Variants in MYOCD observed in about 807,000 individuals in gnomAD.
The protein encoded by MYOCD is myocardin.
A neutral mutation model predicts 96.1 loss-of-function variants in MYOCD; 32 were observed. That is an observed-to-expected ratio of 0.33 (90% CI 0.25 to 0.45). The LOEUF is 0.45. Ranked by LOEUF, MYOCD falls within the 20% of genes least tolerant of loss-of-function variation. The pLI, the probability that MYOCD is intolerant of heterozygous loss-of-function variation, is 1.00. For missense variants in MYOCD, 1,133 were observed against 1,200.6 expected (o/e 0.94, Z 0.83); for synonymous variants, 469 against 469.0 (o/e 1.00, Z 0.00).
chr17:12,732,205 A>G (rs1043945931), intron 5 of MYOCD, among the ~76,000 whole-genome samples: 2 of 152,138 alleles, frequency 1.3e-5, no homozygotes, highest in African/African-American at 4.8e-5. Flanking sequence ...TGACTTAAGC[A>G]AGGGAGACTC....
rs2033342525 is a variant in MYOCD at position 12,766,431 on chromosome 17, G to A, written c.*2787G>A. ...AACACAGTTAAAAGAGCAGATCTCT[G>A]GATAACTGCTCTCAACCTGCTTCTA... On this transcript the variant is annotated 3_prime_UTR_variant, in exon 14 of 14. Coordinates refer to ENST00000425538, the MANE Select transcript of MYOCD (RefSeq NM_001146312.3). The A allele has an allele frequency of 6.6e-6, 1 of 152,106 alleles. No homozygotes were observed. Among genetic ancestry groups the A allele is most frequent in the African/African-American group, 2.4e-5 (1 of 41,420 alleles). The allele number at this position is 152,106 out of a possible 1,614,324, so 9.4% of individuals were successfully genotyped here. A position where few individuals can be genotyped will look rare whatever the true frequency, so the allele number is the denominator to read the frequency against.
At chr17:12,727,851 CCTCTT>C (rs1215535802) in intron 5 of MYOCD, among the ~76,000 whole-genome samples, 1 of 152,144 alleles carries the variant, frequency 6.6e-6, no homozygotes, top group Non-Finnish European at 1.5e-5. Context: ...CTTCCCCTCT[CCTCTT>C]GAGTACCAGT....
chr17:12,704,739 G>C lies in MYOCD; in HGVS notation c.56-389G>C, dbSNP rs1274022561. Among the ~76,000 whole-genome samples the C allele has an allele frequency of 3.3e-5, 5 of 152,164 alleles. No homozygotes were observed. The East Asian group carries it at 7.7e-4, about 23-fold the overall frequency. On this transcript the variant is annotated intron_variant, in intron 1 of 13. Coordinates refer to ENST00000425538, the MANE Select transcript of MYOCD (RefSeq NM_001146312.3). ...TGCTTAGGGATACACAGCTATTAAG[G>C]GGGTAGAGATGAGATGTGAACCTAG...
chr17:12,725,320 T>C (rs1475272867), intron 5 of MYOCD, among the ~76,000 whole-genome samples: 1 of 150,566 alleles, frequency 6.6e-6, no homozygotes, highest in Non-Finnish European at 1.5e-5. Flanking sequence ...TTTCTAAAAA[T>C]CTATGTAGTA....
rs748480394 is a variant in MYOCD at position 12,744,160 on chromosome 17, C to T, written c.718-23C>T. 8 of 1,610,820 alleles carry T rather than the reference C, an allele frequency of 5.0e-6. No individual in the cohort carries two copies. The East Asian group carries it at 1.6e-4, about 31-fold the overall frequency. On this transcript the variant is annotated intron_variant, in intron 7 of 13. Coordinates refer to ENST00000425538, the MANE Select transcript of MYOCD (RefSeq NM_001146312.3). Reference sequence around the variant, plus strand: ...TCTCAGCCATCACCTAAAGCACATGCAATTTCCTCATCTTCTTTGCAGTCC... The same window carrying T: ...TCTCAGCCATCACCTAAAGCACATGTAATTTCCTCATCTTCTTTGCAGTCC...
At chr17:12,703,270 A>C (rs146150066) in intron 1 of MYOCD, among the ~76,000 whole-genome samples, 1 of 152,004 alleles carries the variant, frequency 6.6e-6, no homozygotes, top group East Asian at 1.9e-4. Flanking sequence ...ACCTGTTTTT[A>C]AGATTTTTCT....
At chr17:12,728,606 A>G (rs1429319444) in intron 5 of MYOCD, among the ~76,000 whole-genome samples, 1 of 152,032 alleles carries the variant, frequency 6.6e-6, no homozygotes, top group Non-Finnish European at 1.5e-5. Context: ...CAGCCTCCCA[A>G]GTAGCTGGAA....
At chr17:12,733,488 G>C (rs865859605) in intron 5 of MYOCD, among the ~76,000 whole-genome samples, 1 of 152,284 alleles carries the variant, frequency 6.6e-6, no homozygotes, top group South Asian at 2.1e-4. Context: ...AGGTGAGTCT[G>C]AGATTCCAAC....
chr17:12,705,460 G>T, intron 2 of MYOCD: 1 of 341,644 alleles, frequency 2.9e-6, no homozygotes, highest in Non-Finnish European at 5.2e-6. Flanking sequence ...ATTCATTATG[G>T]GCACCCCTGA....
chr17:12,722,371 C>T (rs753199898), intron 4 of MYOCD, among the ~76,000 whole-genome samples: 9 of 151,914 alleles, frequency 5.9e-5, no homozygotes, highest in East Asian at 5.8e-4. Context: ...TTTTTTCTTT[C>T]GCAACTGACC....
chr17:12,681,670 T>G (rs1910476608), intron 1 of MYOCD, among the ~76,000 whole-genome samples: 1 of 152,126 alleles, frequency 6.6e-6, no homozygotes, highest in South Asian at 2.1e-4. Flanking sequence ...GGGACATCCC[T>G]TAGGATGAAG....
intron 1 of MYOCD, among the ~76,000 whole-genome samples, chr17:12,675,189 C>T (rs985165288): frequency 1.3e-5 from 2 of 152,126 alleles, no homozygotes; most frequent in Non-Finnish European, 2.9e-5. Flanking sequence ...GATCTAGATA[C>T]TATTTTTTAA....
intron 2 of MYOCD, among the ~76,000 whole-genome samples, chr17:12,706,639 C>T (rs892297548): frequency 2.6e-5 from 4 of 152,022 alleles, no homozygotes; most frequent in Admixed American, 1.3e-4. Flanking sequence ...TGGAGGGATA[C>T]GGGGTTAAAT....
intron 1 of MYOCD, among the ~76,000 whole-genome samples, chr17:12,704,360 T>A (rs192161109): frequency 8.5e-5 from 13 of 152,296 alleles, no homozygotes; most frequent in Admixed American, 8.5e-4. Flanking sequence ...AGTTAATAAT[T>A]CAATATTATT....
At chr17:12,693,421 C>G (rs1325528661) in intron 1 of MYOCD, among the ~76,000 whole-genome samples, 1 of 151,822 alleles carries the variant, frequency 6.6e-6, no homozygotes, top group Non-Finnish European at 1.5e-5. Context: ...ACCAGCCTGG[C>G]CAACATTGTG....
Position 12,739,217 on chromosome 17 carries a change from C to G in MYOCD, c.606C>G (p.Gly202=). 6.2e-7 allele frequency: 1 copy of G among 1,608,018 alleles called. No homozygotes were observed. The highest frequency in any genetic ancestry group is 8.5e-7 in the Non-Finnish European group (1 of 1,177,848). The part of the protein sequence containing the change: ...SLGTNQDLAS[G]SENDRNDSAS... ...TTGGATTTCAGGATCTTGCTTCTGG[C>G]TCAGAAAATGACAGAAATGACTCAG... The change falls in exon 7 of 14, where the codon GGC becomes GGG. Residue 202 remains glycine (G), a synonymous_variant. Coordinates refer to ENST00000425538, the MANE Select transcript of MYOCD (RefSeq NM_001146312.3).
chr17:12,723,516 ACT>A (rs1427447304), intron 5 of MYOCD, among the ~76,000 whole-genome samples: 1 of 151,988 alleles, frequency 6.6e-6, no homozygotes, highest in Admixed American at 6.6e-5. Flanking sequence ...ACATGTAAAA[ACT>A]CTGACAGCTC....
At chr17:12,758,022 A>T in intron 11 of MYOCD, 63 bp from the exon 12 acceptor site, 5 of 1,315,514 alleles carry the variant, frequency 3.8e-6, no homozygotes, top group Non-Finnish European at 5.5e-6. Context: ...TGTTTCTAGA[A>T]CAGAAACAAC....
chr17:12,714,362 C>CACACACACACACACACACACA (rs1597772908), intron 2 of MYOCD, among the ~76,000 whole-genome samples: 1 of 147,748 alleles, frequency 6.8e-6, no homozygotes. Context: ...CACACACACA[C>CACACACACACACACACACACA]CCCGATCTGG....
Sources: gnomAD v4.1 joint callset for allele counts (sites outside exome capture counted in the v4.1 genomes callset) on GRCh38, gnomAD v4.1.1 for gene constraint, MANE v1.5 for transcripts, NCBI Gene and HGNC (gene_info 2026-07-23, HGNC 2026-07-21) for gene names.